TENM2: variants seen among roughly 807,000 people sequenced by gnomAD.
TENM2 encodes the protein teneurin transmembrane protein 2, also known as teneurin-2.
In TENM2, 52 loss-of-function variants were observed where a neutral mutation model predicts 245.2. The ratio of observed to expected loss-of-function variants is 0.21; its 90% confidence interval spans 0.17 to 0.27. The LOEUF is 0.27. Among genes scored for constraint, TENM2 ranks in the 10% least tolerant of loss-of-function variants. The pLI, the probability that TENM2 is intolerant of heterozygous loss-of-function variation, is 1.00. For missense variants in TENM2, 3,046 were observed against 3,666.8 expected (o/e 0.83, Z 4.37); for synonymous variants, 1,363 against 1,438.9 (o/e 0.95, Z 1.19).
chr5:167,558,825 G>T (rs1773413139), intron 2 of TENM2, among the ~76,000 whole-genome samples: 1 of 151,702 alleles, frequency 6.6e-6, no homozygotes, highest in Non-Finnish European at 1.5e-5. Context: ...TGCAAAAATG[G>T]TCTTCCATGA....
the TENM2 span, among the ~76,000 whole-genome samples, chr5:167,268,806 CAGA>C: frequency 1.3e-5 from 2 of 151,926 alleles, no homozygotes; most frequent in Non-Finnish European, 2.9e-5. Context: ...TGGATCTTTA[CAGA>C]AGATGTTTGT....
the TENM2 span, among the ~76,000 whole-genome samples, chr5:167,135,597 A>G: frequency 6.6e-6 from 1 of 152,126 alleles, no homozygotes; most frequent in Non-Finnish European, 1.5e-5. Flanking sequence ...TAACACCGTG[A>G]AACACCGTCT....
intron 2 of TENM2, among the ~76,000 whole-genome samples, chr5:167,746,499 T>C (rs1016680860): frequency 7.9e-5 from 12 of 152,184 alleles, no homozygotes; most frequent in Non-Finnish European, 1.6e-4. Context: ...GAGGTCAGCA[T>C]AATGGGATGA....
chr5:167,976,211 T>TTTGG (rs1304938347), intron 4 of TENM2, among the ~76,000 whole-genome samples: 1 of 152,136 alleles, frequency 6.6e-6, no homozygotes, highest in Admixed American at 6.5e-5. Flanking sequence ...TTATGGGTTT[T>TTTGG]TTGGTTGGTT....
intron 7 of TENM2, among the ~76,000 whole-genome samples, chr5:168,084,636 G>A (rs531638110): frequency 6.6e-6 from 1 of 152,298 alleles, no homozygotes; most frequent in South Asian, 2.1e-4. Context: ...TGGTGCAAAG[G>A]CCCTATGGCT....
the TENM2 span, among the ~76,000 whole-genome samples, chr5:166,997,487 G>C: frequency 6.6e-6 from 1 of 152,116 alleles, no homozygotes; most frequent in Admixed American, 6.6e-5. Context: ...AGCCATTATG[G>C]TATAGGGCCC....
intron 5 of TENM2, among the ~76,000 whole-genome samples, chr5:168,004,278 G>A (rs1001645516): frequency 2.0e-5 from 3 of 152,178 alleles, no homozygotes; most frequent in Non-Finnish European, 4.4e-5. Flanking sequence ...TGTGAAGAAA[G>A]ATCCAGTAGT....
chr5:167,663,792 G>A (rs552561277), intron 2 of TENM2, among the ~76,000 whole-genome samples: 52 of 152,040 alleles, frequency 3.4e-4, no homozygotes, highest in Non-Finnish European at 6.8e-4. Flanking sequence ...ACATATATGC[G>A]TCAAATTTTT....
At chr5:167,275,772 T>C in the TENM2 span, among the ~76,000 whole-genome samples, 4 of 152,064 alleles carry the variant, frequency 2.6e-5, no homozygotes, top group Non-Finnish European at 5.9e-5. Context: ...TTCCTTGAGA[T>C]TTTTCTGCAG....
At chr5:167,768,194 TG>T (rs1368560933) in intron 2 of TENM2, among the ~76,000 whole-genome samples, 1 of 152,182 alleles carries the variant, frequency 6.6e-6, no homozygotes, top group Non-Finnish European at 1.5e-5. Context: ...ACAACAAACA[TG>T]CCTATGTTTG....
At chr5:167,820,310 A>G (rs1002305126) in intron 2 of TENM2, among the ~76,000 whole-genome samples, 2 of 152,186 alleles carry the variant, frequency 1.3e-5, no homozygotes, top group African/African-American at 4.8e-5. Context: ...TCAGGATGCC[A>G]GTGTGTGTTT....
At chr5:167,769,757 A>G (rs1042827891) in intron 2 of TENM2, among the ~76,000 whole-genome samples, 1 of 152,192 alleles carries the variant, frequency 6.6e-6, no homozygotes, top group African/African-American at 2.4e-5. Context: ...TTGCAGAGAA[A>G]TGATCAAACT....
chr5:167,185,961 A>C, the TENM2 span, among the ~76,000 whole-genome samples: 1 of 152,266 alleles, frequency 6.6e-6, no homozygotes, highest in South Asian at 2.1e-4. Context: ...ATATCTACAG[A>C]TTCCTTTGGT....
intron 2 of TENM2, among the ~76,000 whole-genome samples, chr5:167,440,527 A>G (rs1764820169): frequency 6.9e-6 from 1 of 144,440 alleles, no homozygotes; most frequent in Non-Finnish European, 1.5e-5. Context: ...CAAATGAAAC[A>G]TATATATAAT....
chr5:167,854,455 C>A (rs989065405), intron 2 of TENM2, among the ~76,000 whole-genome samples: 2 of 152,210 alleles, frequency 1.3e-5, no homozygotes, highest in Non-Finnish European at 2.9e-5. Flanking sequence ...GAAAGTTCAA[C>A]CCTCTCTGCT....
intron 13 of TENM2, among the ~76,000 whole-genome samples, chr5:168,179,190 A>G (rs1486559860): frequency 6.6e-6 from 1 of 151,418 alleles, no homozygotes. Context: ...CATGTGAATC[A>G]TGAATCACTT....
the TENM2 span, among the ~76,000 whole-genome samples, chr5:167,093,250 G>C: frequency 2.0e-5 from 3 of 152,138 alleles, no homozygotes; most frequent in Admixed American, 1.3e-4. Context: ...TCATTTTTAT[G>C]AACCAGGATT....
the TENM2 span, among the ~76,000 whole-genome samples, chr5:167,034,159 T>A: frequency 6.6e-6 from 1 of 152,184 alleles, no homozygotes; most frequent in East Asian, 1.9e-4. Flanking sequence ...GACTAGCCCT[T>A]TGGTATAATG....
intron 3 of TENM2, chr5:167,938,673 G>A (rs961915223): frequency 2.6e-5 from 4 of 152,128 alleles, no homozygotes; most frequent in African/African-American, 7.2e-5. Context: ...CGTGAATAAA[G>A]GAACAAATGA....
Sources: gnomAD v4.1 joint callset for allele counts (sites outside exome capture counted in the v4.1 genomes callset) on GRCh38, gnomAD v4.1.1 for gene constraint, MANE v1.5 for transcripts, NCBI Gene and HGNC (gene_info 2026-07-23, HGNC 2026-07-21) for gene names.